MGST1: variants seen among roughly 807,000 people sequenced by gnomAD.
MGST1 encodes glutathione S-transferase 12.
In MGST1, 5 loss-of-function variants were observed where a neutral mutation model predicts 8.9. The observed-to-expected ratio is 0.56, with a 90% CI of 0.29 to 1.19. The LOEUF (loss-of-function observed/expected upper bound fraction) is 1.19, where lower values mean the gene tolerates loss of function less well. Among genes scored for constraint, MGST1 ranks in the 50% most tolerant of loss-of-function variants. The pLI, the probability that MGST1 is intolerant of heterozygous loss-of-function variation, is 0.08. For synonymous variants in MGST1, 54 were observed against 67.8 expected (o/e 0.80, Z 1.00); for missense variants, 182 against 187.4 (o/e 0.97, Z 0.17).
At chr12:16,383,331 G>A (rs986196810) in exon 1 of MGST1, 2 of 152,278 alleles carry the variant, frequency 1.3e-5, no homozygotes, top group Non-Finnish European at 2.9e-5. Context: ...CTCCACAGAG[G>A]AAGGTTTTAT....
At chr12:16,442,884 T>A (rs1400979185), downstream of MGST1, among the ~76,000 whole-genome samples, 1 of 151,888 alleles carries the variant, frequency 6.6e-6, no homozygotes, top group Non-Finnish European at 1.5e-5. This position sits in a 1 kb window ranked among gnomAD's most constrained non-coding sequence, Gnocchi z 4.5. Flanking sequence ...TAAATCAATT[T>A]GATGTGTCAT....
chr12:16,391,099 A>G (rs182434326), intron 1 of MGST1, among the ~76,000 whole-genome samples: 1 of 147,174 alleles, frequency 6.8e-6, no homozygotes, highest in East Asian at 2.0e-4. Context: ...GGCCAGATGT[A>G]TGTCTTCTTT....
chr12:16,354,357 A>C lies in MGST1; in HGVS notation c.105A>C (p.Ala35=), dbSNP rs144616709. 2.5e-6 allele frequency: 4 copies of C among 1,595,748 alleles called. No homozygotes were observed. In the African/African-American group the frequency reaches 5.4e-5, roughly 22 times the overall value. ...SKMMLMSTAT[A]FYRLTRKVFA... ...TGATGCTTATGAGTACTGCAACTGCATTCTATAGATTGACAAGAAAGGTAA... is the reference window on the plus strand; with the variant it reads ...TGATGCTTATGAGTACTGCAACTGCCTTCTATAGATTGACAAGAAAGGTAA... Residue 35 remains alanine (A), a synonymous_variant, in exon 2 of 4, where the codon GCA becomes GCC. Coordinates refer to ENST00000396210, the MANE Select transcript of MGST1 (RefSeq NM_020300.5).
At chr12:16,462,765 A>G (rs961054433) in intron 4 of MGST1, among the ~76,000 whole-genome samples, 3 of 152,216 alleles carry the variant, frequency 2.0e-5, no homozygotes, top group African/African-American at 7.2e-5. Flanking sequence ...CACAAAGAAA[A>G]GGAAAGTGGT....
rs939230997 is a variant in MGST1, at chr12:16,586,684, G to A, written n.483-2844G>A. Among the ~76,000 whole-genome samples the A allele has an allele frequency of 6.6e-6, 1 of 152,156 alleles. No homozygotes were observed. The highest frequency in any genetic ancestry group is 1.5e-5 in the Non-Finnish European group (1 of 68,034). On this transcript the variant is annotated intron_variant and non_coding_transcript_variant, in intron 4 of 4. Transcript: ENST00000538857. This position sits in a 1 kb window ranked among gnomAD's most constrained non-coding sequence, Gnocchi z 4.3. ...TATACCGTCGGGGTAGAGATTTCAA[G>A]ATACACATCTTTTGACCCCCCATTG...
intron 1 of MGST1, among the ~76,000 whole-genome samples, chr12:16,433,775 C>A (rs1940959925): frequency 6.6e-6 from 1 of 152,052 alleles, no homozygotes; most frequent in Non-Finnish European, 1.5e-5. Context: ...CATACACATC[C>A]CAATCCAAGG....
chr12:16,438,607 T>G (rs540021619), exon 2 of MGST1: 3 of 152,030 alleles, frequency 2.0e-5, no homozygotes, highest in African/African-American at 7.2e-5. Context: ...TAATTCTTCC[T>G]TATAAAATCT....
chr12:16,571,502 A>C (rs1337058354), intron 4 of MGST1, among the ~76,000 whole-genome samples: 2 of 152,042 alleles, frequency 1.3e-5, no homozygotes. Flanking sequence ...CTCTAAAAGC[A>C]AGGGTATTCA....
intron 4 of MGST1, among the ~76,000 whole-genome samples, chr12:16,527,062 T>A (rs1429876898): frequency 2.0e-5 from 3 of 151,988 alleles, no homozygotes; most frequent in East Asian, 3.9e-4. Flanking sequence ...AGGTTACAGA[T>A]GAGGGGAGCA....
Position 16,585,397 on chromosome 12 carries a change from T to A in MGST1, n.483-4131T>A, listed in dbSNP as rs1220348784. On this transcript the variant is annotated intron_variant and non_coding_transcript_variant, in intron 4 of 4. Coordinates refer to the MGST1 transcript ENST00000538857. This position sits in a 1 kb window ranked among gnomAD's most constrained non-coding sequence, Gnocchi z 4.7. Reference sequence around the variant, plus strand: ...AATCACTTGGCCACAAAGATTAATATTAACCTATATTAAAGGTTATTTTTG... The same window carrying A: ...AATCACTTGGCCACAAAGATTAATAATAACCTATATTAAAGGTTATTTTTG... Among the ~76,000 whole-genome samples the A allele has an allele frequency of 6.6e-6, 1 of 152,206 alleles. No homozygotes were observed. The highest frequency in any genetic ancestry group is 2.4e-5 in the African/African-American group (1 of 41,454).
chr12:16,458,324 T>C lies in MGST1; in HGVS notation n.482+74720T>C, dbSNP rs1013026519. On this transcript the variant is annotated intron_variant and non_coding_transcript_variant, in intron 4 of 4. Coordinates refer to the MGST1 transcript ENST00000538857. The surrounding 1 kb of genome is among the most constrained non-coding windows in gnomAD (Gnocchi z 4.0). ...GATTGCTTATGCTGATCGCAATGAT[T>C]TGAAGTTGTGATTACCATAAGCAAT... Among the ~76,000 whole-genome samples, 2 of 152,032 alleles carry C rather than the reference T, an allele frequency of 1.3e-5. No homozygotes were observed. Among genetic ancestry groups the C allele is most frequent in the African/African-American group, 4.8e-5 (2 of 41,424 alleles).
At chr12:16,466,106 G>A (rs1941253169) in intron 4 of MGST1, among the ~76,000 whole-genome samples, 1 of 152,202 alleles carries the variant, frequency 6.6e-6, no homozygotes, top group Admixed American at 6.5e-5. Flanking sequence ...GTTCATTCAA[G>A]AAAATTAATC....
intron 1 of MGST1, among the ~76,000 whole-genome samples, chr12:16,420,069 C>G (rs1940821267): frequency 6.6e-6 from 1 of 152,174 alleles, no homozygotes; most frequent in African/African-American, 2.4e-5. Context: ...GTTAACAATT[C>G]ATTTCTATCT....
At chr12:16,573,129 A>G (rs905480974) in intron 4 of MGST1, among the ~76,000 whole-genome samples, 1 of 152,026 alleles carries the variant, frequency 6.6e-6, no homozygotes, top group Non-Finnish European at 1.5e-5. Context: ...CAGTCAAATC[A>G]CAGATAGGAA....
chr12:16,569,074 C>T (rs1565490693), intron 4 of MGST1, among the ~76,000 whole-genome samples: 1 of 152,236 alleles, frequency 6.6e-6, no homozygotes, highest in East Asian at 1.9e-4. Context: ...GTGTTAATTC[C>T]TTTCTAAACT....
intron 1 of MGST1, among the ~76,000 whole-genome samples, chr12:16,406,129 T>G (rs1255638308): frequency 6.6e-6 from 1 of 152,220 alleles, no homozygotes; most frequent in East Asian, 1.9e-4. Flanking sequence ...TGGCTATCCC[T>G]GTTTGCAGCT....
At chr12:16,442,481 A>T (rs892071200), downstream of MGST1, among the ~76,000 whole-genome samples, 1 of 151,688 alleles carries the variant, frequency 6.6e-6, no homozygotes, top group Non-Finnish European at 1.5e-5. The surrounding 1 kb of genome is among the most constrained non-coding windows in gnomAD (Gnocchi z 4.5). Context: ...ATTTTCAGTT[A>T]CTTTTTTGTG....
In MGST1 at chr12:16,587,369, GTT is replaced by G. The variant is rs759322872; in HGVS notation, n.483-2157_483-2156del. On this transcript the variant is annotated intron_variant and non_coding_transcript_variant, in intron 4 of 4. Coordinates refer to the MGST1 transcript ENST00000538857. The surrounding 1 kb of genome is among the most constrained non-coding windows in gnomAD (Gnocchi z 4.3). ...AAAAATTCCAAAGCATTCTTAAAAC[GTT>G]TCACTTAAACATTTCTGCAATAAAA... 6.6e-4 allele frequency among the ~76,000 whole-genome samples: 100 copies of G among 152,144 alleles called. No homozygotes were observed. The highest frequency in any genetic ancestry group is 1.2e-3 in the Non-Finnish European group (81 of 67,976).
rs567954405 is a variant in MGST1 at position 16,400,853 on chromosome 12, A to C, written n.778+17249A>C. On this transcript the variant is annotated intron_variant and non_coding_transcript_variant, in intron 1 of 1. Coordinates refer to the MGST1 transcript ENST00000359720. Reference sequence around the variant, plus strand: ...ATCGATGTAGATCTTCATTTCCCCAATATGTGGTTCCTTAGGCATCAGAGA... The same window carrying C: ...ATCGATGTAGATCTTCATTTCCCCACTATGTGGTTCCTTAGGCATCAGAGA... The C allele has an allele frequency of 8.4e-6, 10 of 1,187,640 alleles. No homozygotes were observed. The Admixed American group carries it at 1.0e-4, about 12-fold the overall frequency. The allele number at this position is 1,187,640 out of a possible 1,614,324, so 73.6% of individuals were successfully genotyped here. A position where few individuals can be genotyped will look rare whatever the true frequency, so the allele number is the denominator to read the frequency against.
Sources: allele counts gnomAD v4.1 joint callset (sites outside exome capture counted in the v4.1 genomes callset), GRCh38; gene constraint gnomAD v4.1.1; non-coding constraint Gnocchi (gnomAD v3.1); transcripts MANE v1.5; gene names NCBI Gene and HGNC (gene_info 2026-07-23, HGNC 2026-07-21).